The following CHRNA2 variants were observed in gnomAD, a reference collection of about 807,000 sequenced individuals.
The protein encoded by CHRNA2 is neuronal acetylcholine receptor subunit alpha-2.
Under a neutral mutation model 45.5 loss-of-function variants are expected in CHRNA2, and 40 were observed. The observed-to-expected ratio is 0.88, with a 90% CI of 0.68 to 1.15. The LOEUF (loss-of-function observed/expected upper bound fraction) is 1.15, where lower values mean the gene tolerates loss of function less well. Ranked by LOEUF, CHRNA2 falls within the 50% of genes most tolerant of loss-of-function variation. The probability of loss-of-function intolerance (pLI) is 0.00; values close to 1 mark genes in which losing one functional copy is unlikely to be tolerated. For missense variants in CHRNA2, 655 were observed against 701.7 expected (o/e 0.93, Z 0.75); for synonymous variants, 301 against 296.7 (o/e 1.01, Z -0.15).
rs532800808 is a variant in CHRNA2 at position 27,469,819 on chromosome 8, T to C, written c.236A>G (p.Asn79Ser). The C allele has an allele frequency of 6.2e-7, 1 of 1,614,138 alleles. No individual in the cohort carries two copies. Among genetic ancestry groups the C allele is most frequent in the African/African-American group, 1.3e-5 (1 of 75,032 alleles). Residue 79 changes from asparagine to serine, a missense_variant, in exon 3 of 7, where the codon AAC (asparagine) becomes AGC (serine). Physicochemically the swap from Asn to Ser is conservative, Grantham distance 46. Around this residue, in one of 3 missense-constraint regions of CHRNA2, gnomAD observed 323 missense variants for 354.4 expected, o/e 0.91. Transcript: ENST00000407991. The part of the protein sequence containing the change: ...GYNRWARPVP[N>S]TSDVVIVRFG... ...GCGCACAATCACCACGTCTGAAGTG[T>C]TGGGCACCGGGCGCGCCCAGCGGTT... is the stretch of plus-strand genomic sequence containing the variant.
chr8:27,468,876 T>C (rs1297309404), intron 4 of CHRNA2, among the ~76,000 whole-genome samples: 5 of 152,144 alleles, frequency 3.3e-5, no homozygotes, highest in Non-Finnish European at 7.4e-5. Context: ...AGTTTGGGGT[T>C]ATTTGGGTGG....
rs777177252 is a variant in CHRNA2 at position 27,467,332 on chromosome 8, T to C, written c.346A>G (p.Ser116Gly). ...GGGTTCCAGCGCAGTTTGTAGTCGC[T>C]CCACTCCTGTGTGTGGGGAAGGAGT... ...TTNVWLKQEW[S>G]DYKLRWNPTD... The change falls in exon 5 of 7, where the codon AGC becomes GGC. Residue 116 changes from serine (S) to glycine (G), a missense_variant. By Grantham distance (56) the Ser-to-Gly change is moderately conservative. This residue lies in a region of CHRNA2 where 323 missense variants were observed against 354.4 expected (regional missense o/e 0.91). Coordinates refer to ENST00000407991, the MANE Select transcript of CHRNA2 (RefSeq NM_000742.4). 8 of 1,609,328 alleles carry C rather than the reference T, an allele frequency of 5.0e-6. No homozygotes were observed. In the South Asian group the frequency reaches 7.7e-5, roughly 15 times the overall value.
chr8:27,476,139 T>C (rs1366772171), intron 1 of CHRNA2, among the ~76,000 whole-genome samples: 3 of 152,262 alleles, frequency 2.0e-5, no homozygotes, highest in African/African-American at 7.2e-5. Flanking sequence ...TGTTGTTGTT[T>C]CATGCTTGGA....
chr8:27,469,523 C>G (rs1455399513), intron 3 of CHRNA2, 144 bp from the exon 4 acceptor site: 3 of 944,932 alleles, frequency 3.2e-6, no homozygotes, highest in Admixed American at 4.0e-5. Context: ...AACCTGCCAC[C>G]CTTACTCAGA....
chr8:27,461,401 G>A lies in CHRNA2; in HGVS notation c.*228C>T. On this transcript the variant is annotated 3_prime_UTR_variant, in exon 7 of 7. Coordinates refer to ENST00000407991, the MANE Select transcript of CHRNA2 (RefSeq NM_000742.4). ...CCACACTATTGCGACCTTCTGCAGA[G>A]CTTCCCCAGCTCCTCCGTATCCAAA... The A allele has an allele frequency of 1.7e-6, 1 of 595,704 alleles. No individual in the cohort carries two copies. Among genetic ancestry groups the A allele is most frequent in the Admixed American group, 3.0e-5 (1 of 32,996 alleles). The allele number at this position is 595,704 out of a possible 1,614,324, so 36.9% of individuals were successfully genotyped here.
chr8:27,461,985 C>T (rs537223040), intron 6 of CHRNA2, among the ~76,000 whole-genome samples: 7 of 152,368 alleles, frequency 4.6e-5, no homozygotes, highest in African/African-American at 1.7e-4. Flanking sequence ...AGCCCCTCCA[C>T]ATGCCCAGAC....
Position 27,467,314 on chromosome 8 carries a change from A to G in CHRNA2, c.364T>C (p.Trp122Arg), listed in dbSNP as rs1812728617. Residue 122 changes from tryptophan (W) to arginine (R), a missense_variant, in exon 5 of 7, where the codon TGG (tryptophan) becomes CGG (arginine). This residue lies in a region of CHRNA2 where 323 missense variants were observed against 354.4 expected (regional missense o/e 0.91). Transcript: ENST00000407991. ...ATGTTGCCAAAATCAGTGGGGTTCC[A>G]GCGCAGTTTGTAGTCGCTCCACTCC... ...KQEWSDYKLRWNPTDFGNITS... is the reference protein window; with the variant it reads ...KQEWSDYKLRRNPTDFGNITS... The G allele has an allele frequency of 6.2e-7, 1 of 1,613,700 alleles. No homozygotes were observed. The highest frequency in any genetic ancestry group is 1.7e-5 in the Admixed American group (1 of 60,008).
At chr8:27,465,104 G>A (rs1812656438) in intron 5 of CHRNA2, among the ~76,000 whole-genome samples, 1 of 152,222 alleles carries the variant, frequency 6.6e-6, no homozygotes, top group Admixed American at 6.5e-5. Context: ...GGGACAGAGA[G>A]TGTGAATCAG....
At position 27,471,110 on chromosome 8, in the gene CHRNA2, C is replaced by G; in HGVS notation, c.-52G>C. 1 of 1,507,364 alleles carries G rather than the reference C, an allele frequency of 6.6e-7. No individual in the cohort carries two copies. The highest frequency in any genetic ancestry group is 9.2e-7 in the Non-Finnish European group (1 of 1,084,426). 93.4% of individuals were successfully genotyped at this position (1,507,364 alleles called of 1,614,324 possible). On this transcript the variant is annotated 5_prime_UTR_variant, in exon 2 of 7. Transcript: ENST00000407991. ...GGTCAGGGCTTTGCTGTGGGTTGCA[C>G]CATGGACCATGTCCCCAGCAGAGCT...
chr8:27,473,524 A>ACCTC (rs1812958013), intron 1 of CHRNA2, among the ~76,000 whole-genome samples: 1 of 100,600 alleles, frequency 9.9e-6, no homozygotes, highest in African/African-American at 3.9e-5. Flanking sequence ...ACATAGTGAG[A>ACCTC]CCCCCCCCGC....
At chr8:27,475,856 C>A (rs918103929) in intron 1 of CHRNA2, among the ~76,000 whole-genome samples, 2 of 152,150 alleles carry the variant, frequency 1.3e-5, no homozygotes, top group African/African-American at 4.8e-5. Context: ...AACTTCCTGT[C>A]GTGAGGTCAC....
intron 1 of CHRNA2, among the ~76,000 whole-genome samples, chr8:27,472,684 C>T (rs1160179540): frequency 1.3e-5 from 2 of 152,184 alleles, no homozygotes; most frequent in Admixed American, 6.5e-5. Context: ...TTAATGATCA[C>T]TGAGTTTCCC....
At chr8:27,466,515 T>C (rs1360142751) in intron 5 of CHRNA2, among the ~76,000 whole-genome samples, 1 of 152,204 alleles carries the variant, frequency 6.6e-6, no homozygotes, top group East Asian at 1.9e-4. Context: ...TTCATACCTA[T>C]TTATAACTCA....
rs150333280 is a variant in CHRNA2 at position 27,463,243 on chromosome 8, A to G, written c.1200T>C (p.Ser400=). 6.3e-7 allele frequency: 1 copy of G among 1,595,844 alleles called. No individual in the cohort carries two copies. The highest frequency in any genetic ancestry group is 1.7e-5 in the Admixed American group (1 of 59,350). ...CHPLRLKLSP[S]YHWLESNVDA... is the part of the protein sequence containing the mutation. ...CCACGTTGCTCTCCAGCCAGTGATAAGAGGGGCTGAGCTTCAGGCGTAGGG... is the reference window on the plus strand; with the variant it reads ...CCACGTTGCTCTCCAGCCAGTGATAGGAGGGGCTGAGCTTCAGGCGTAGGG... The change falls in exon 6 of 7, where the codon TCT becomes TCC. Residue 400 remains serine, a synonymous_variant. Coordinates refer to ENST00000407991, the MANE Select transcript of CHRNA2 (RefSeq NM_000742.4). This position sits in a 1 kb window ranked among gnomAD's most constrained non-coding sequence, Gnocchi z 6.1.
chr8:27,471,301 G>A, intron 1 of CHRNA2, 107 bp from the exon 2 acceptor site: 1 of 470,472 alleles, frequency 2.1e-6, no homozygotes, highest in Non-Finnish European at 3.9e-6. Context: ...AAGGCCCTCA[G>A]CAGGCCTCTC....
rs201370407 is a variant in CHRNA2, at chr8:27,463,680, C to T, written c.763G>A (p.Val255Ile). 10 of 1,614,016 alleles carry T rather than the reference C, an allele frequency of 6.2e-6. No homozygotes were observed. The highest frequency in any genetic ancestry group is 3.3e-5 in the Admixed American group (2 of 60,008). The change falls in exon 6 of 7, where the codon GTC becomes ATC. Residue 255 changes from valine (V) to isoleucine (I), a missense_variant. This residue lies in a region of CHRNA2 where 323 missense variants were observed against 354.4 expected (regional missense o/e 0.91). Transcript: ENST00000407991. The surrounding 1 kb of genome is among the most constrained non-coding windows in gnomAD (Gnocchi z 6.1). ...YDCCAEIYPD[V>I]TYAFVIRRLP... ...CGCCGGATGACGAAGGCGTAGGTGACGTCGGGGTAGATCTCGGCGCAGCAG... is the reference window on the plus strand; with the variant it reads ...CGCCGGATGACGAAGGCGTAGGTGATGTCGGGGTAGATCTCGGCGCAGCAG...
chr8:27,476,608 C>T (rs908054978), intron 1 of CHRNA2, among the ~76,000 whole-genome samples: 1 of 152,236 alleles, frequency 6.6e-6, no homozygotes, highest in African/African-American at 2.4e-5. Context: ...GGTTCCTTGT[C>T]TCTTGTCTCT....
intron 1 of CHRNA2, among the ~76,000 whole-genome samples, chr8:27,476,147 G>A (rs966660091): frequency 6.6e-6 from 1 of 152,140 alleles, no homozygotes; most frequent in Non-Finnish European, 1.5e-5. Flanking sequence ...TTTCATGCTT[G>A]GACTGTAAGA....
At chr8:27,472,265 A>T (rs1044940150) in intron 1 of CHRNA2, among the ~76,000 whole-genome samples, 1 of 152,220 alleles carries the variant, frequency 6.6e-6, no homozygotes, top group Non-Finnish European at 1.5e-5. Flanking sequence ...GGGTCATGGG[A>T]ACCCCAATTT....
Sources: gnomAD v4.1 joint callset for allele counts (sites outside exome capture counted in the v4.1 genomes callset) on GRCh38, gnomAD v4.1.1 for gene constraint, gnomAD v4.1.1 regional missense constraint, Gnocchi (gnomAD v3.1) non-coding constraint, MANE v1.5 for transcripts, NCBI Gene and HGNC (gene_info 2026-07-23, HGNC 2026-07-21) for gene names.